C8orf74: variants seen among roughly 807,000 people sequenced by gnomAD.
C8orf74 encodes uncharacterized protein C8orf74.
Under a neutral mutation model 22.2 loss-of-function variants are expected in C8orf74, and 29 were observed. That is an observed-to-expected ratio of 1.31 (90% CI 0.97 to 1.78). C8orf74 has a LOEUF of 1.78. Among genes scored for constraint, C8orf74 ranks in the 40% most tolerant of loss-of-function variants. The pLI is 0.00. For synonymous variants in C8orf74, 255 were observed against 163.1 expected (o/e 1.56, Z -4.30); for missense variants, 515 against 369.9 (o/e 1.39, Z -3.22).
chr8:10,678,259 A>G (rs1218460170), intron 2 of C8orf74, among the ~76,000 whole-genome samples: 1 of 152,152 alleles, frequency 6.6e-6, no homozygotes, highest in African/African-American at 2.4e-5. Context: ...CATCTAGAAA[A>G]ATGGGGATGC....
intron 3 of C8orf74, among the ~76,000 whole-genome samples, chr8:10,698,899 CACCACACACA>C (rs1235997410): frequency 8.6e-6 from 1 of 116,630 alleles, no homozygotes; most frequent in African/African-American, 3.6e-5. Flanking sequence ...GTTACACACA[CACCACACACA>C]CACACACACA....
chr8:10,690,348 G>C (rs1799349730), intron 2 of C8orf74, among the ~76,000 whole-genome samples: 1 of 152,168 alleles, frequency 6.6e-6, no homozygotes, highest in Non-Finnish European at 1.5e-5. Context: ...GGGCGGTACA[G>C]TCCCCGGCAG....
At position 10,672,961 on chromosome 8, in the gene C8orf74, G is replaced by C. The variant is rs536836036; in HGVS notation, c.48+248G>C. The stretch of plus-strand genomic sequence containing the variant: ...AGGAGCAGATCCTGCCTGAAGGGAA[G>C]TGAGGGACTGTGCCTGCCTCCTCTG... On this transcript the variant is annotated intron_variant, in intron 1 of 3. Transcript: ENST00000304519. 3.6e-4 allele frequency among the ~76,000 whole-genome samples: 55 copies of C among 152,334 alleles called. No individual in the cohort carries two copies. In the South Asian group the frequency reaches 9.5e-3, roughly 26 times the overall value.
chr8:10,683,175 T>G (rs1370975777), intron 2 of C8orf74, among the ~76,000 whole-genome samples: 2 of 152,198 alleles, frequency 1.3e-5, no homozygotes, highest in Non-Finnish European at 2.9e-5. Flanking sequence ...ATGAGCCAGG[T>G]CACACACCTG....
At chr8:10,690,925 C>T (rs948422725) in intron 2 of C8orf74, 23 of 456,046 alleles carry the variant, frequency 5.0e-5, no homozygotes, top group Non-Finnish European at 8.8e-5. Context: ...GCAGCCAATG[C>T]AAATGAGGGC....
chr8:10,690,152 A>G (rs1043607149), intron 2 of C8orf74, among the ~76,000 whole-genome samples: 1 of 152,160 alleles, frequency 6.6e-6, no homozygotes, highest in Non-Finnish European at 1.5e-5. Context: ...GATGGCCTGG[A>G]GTCTGAATAC....
chr8:10,686,477 A>G (rs1361335790), intron 2 of C8orf74: 1 of 152,388 alleles, frequency 6.6e-6, no homozygotes, highest in Non-Finnish European at 1.5e-5. Context: ...CAGCAACCAC[A>G]TGTCCAGAGC....
intron 2 of C8orf74, among the ~76,000 whole-genome samples, chr8:10,680,768 G>T (rs776761589): frequency 7.2e-5 from 11 of 152,230 alleles, no homozygotes; most frequent in East Asian, 3.9e-4. Flanking sequence ...CTCAGGAGGG[G>T]GCCCAGGCGG....
intron 2 of C8orf74, chr8:10,687,258 C>A (rs1021636078): frequency 5.3e-6 from 2 of 379,620 alleles, no homozygotes; most frequent in Admixed American, 3.1e-5. Flanking sequence ...ATTTTTATTG[C>A]CTCTATTTTA....
At chr8:10,687,512 T>A (rs530028760) in intron 2 of C8orf74, among the ~76,000 whole-genome samples, 1 of 148,712 alleles carries the variant, frequency 6.7e-6, no homozygotes, top group African/African-American at 2.5e-5. Context: ...CTTGGGAAGC[T>A]GAGACAGGAG....
chr8:10,673,910 C>A, intron 1 of C8orf74, among the ~76,000 whole-genome samples: 1 of 151,418 alleles, frequency 6.6e-6, no homozygotes, highest in East Asian at 1.9e-4. Flanking sequence ...TCATACCCTG[C>A]AACCTCGATA....
At chr8:10,682,137 C>G (rs1014462030) in intron 2 of C8orf74, among the ~76,000 whole-genome samples, 7 of 152,296 alleles carry the variant, frequency 4.6e-5, no homozygotes, top group Middle Eastern at 3.4e-3. Context: ...GCCTCTGCAG[C>G]CTGGGAAAGG....
intron 2 of C8orf74, among the ~76,000 whole-genome samples, chr8:10,679,527 C>T (rs1382030854): frequency 6.6e-6 from 1 of 152,226 alleles, no homozygotes; most frequent in African/African-American, 2.4e-5. Context: ...GAGTCACCAG[C>T]CGTTATCTAT....
chr8:10,686,204 C>G (rs1799259090), intron 2 of C8orf74, among the ~76,000 whole-genome samples: 1 of 152,178 alleles, frequency 6.6e-6, no homozygotes, highest in Non-Finnish European at 1.5e-5. Flanking sequence ...ATCTTCCATT[C>G]ACTCCTAAAA....
chr8:10,693,858 T>G (rs1435330382), intron 2 of C8orf74, among the ~76,000 whole-genome samples: 1 of 152,242 alleles, frequency 6.6e-6, no homozygotes, highest in African/African-American at 2.4e-5. Flanking sequence ...CCCTGGCTTC[T>G]AAGTGTGGCA....
intron 2 of C8orf74, among the ~76,000 whole-genome samples, chr8:10,678,791 A>T (rs1799087045): frequency 1.3e-5 from 2 of 152,248 alleles, no homozygotes; most frequent in African/African-American, 4.8e-5. Flanking sequence ...CAGGGTGCAG[A>T]GCCCCACGAC....
chr8:10,693,807 A>G (rs1346143537), intron 2 of C8orf74, among the ~76,000 whole-genome samples: 1 of 152,130 alleles, frequency 6.6e-6, no homozygotes, highest in African/African-American at 2.4e-5. Flanking sequence ...AGGTCCTGCC[A>G]CTCAGATCTG....
chr8:10,674,871 G>C, intron 2 of C8orf74, 33 bp downstream of exon 2: 1 of 1,547,778 alleles, frequency 6.5e-7, no homozygotes, highest in Non-Finnish European at 8.7e-7. Flanking sequence ...GTCAGCAGAG[G>C]CTGGCGGGAT....
At chr8:10,683,988 T>G (rs1799209226) in intron 2 of C8orf74, among the ~76,000 whole-genome samples, 1 of 152,170 alleles carries the variant, frequency 6.6e-6, no homozygotes, top group African/African-American at 2.4e-5. Context: ...CCCTGCGTGC[T>G]AAGGAGCCGG....
Sources: gnomAD v4.1 joint callset for allele counts (sites outside exome capture counted in the v4.1 genomes callset) on GRCh38, gnomAD v4.1.1 for gene constraint, MANE v1.5 for transcripts, NCBI Gene and HGNC (gene_info 2026-07-23, HGNC 2026-07-21) for gene names.